ANKRD44: variants seen among roughly 807,000 people sequenced by gnomAD.
ANKRD44 encodes the protein ankyrin repeat domain 44.
Under a neutral mutation model 116.0 loss-of-function variants are expected in ANKRD44, and 35 were observed. That is an observed-to-expected ratio of 0.30 (90% CI 0.23 to 0.40). The LOEUF (loss-of-function observed/expected upper bound fraction) is 0.40. Among genes scored for constraint, ANKRD44 ranks in the 10% least tolerant of loss-of-function variants. The pLI, the probability that ANKRD44 is intolerant of heterozygous loss-of-function variation, is 1.00. For synonymous variants in ANKRD44, 435 were observed against 461.8 expected (o/e 0.94, Z 0.74); for missense variants, 1,014 against 1,242.6 (o/e 0.82, Z 2.77).
At chr2:197,009,495 G>T (rs1020214262) in intron 18 of ANKRD44, among the ~76,000 whole-genome samples, 5 of 151,976 alleles carry the variant, frequency 3.3e-5, no homozygotes, top group Admixed American at 3.3e-4. Flanking sequence ...TCTGCCTCCC[G>T]AGTAGCTGGG....
At chr2:197,273,827 G>A (rs2082968602) in intron 1 of ANKRD44, among the ~76,000 whole-genome samples, 2 of 151,594 alleles carry the variant, frequency 1.3e-5, no homozygotes, top group African/African-American at 4.9e-5. Flanking sequence ...CACAAAACAA[G>A]CAGCTCTCAG....
Position 197,263,250 on chromosome 2 carries a change from C to T in ANKRD44, c.27+47328G>A, listed in dbSNP as rs2082654417. ...GAGAACCTCAGCAGCTTGGTAGTCT[C>T]ACGTCCCCTTACCTCACTTGTCCCT... On this transcript the variant is annotated intron_variant, in intron 1 of 27. Coordinates refer to ENST00000282272, the MANE Select transcript of ANKRD44 (RefSeq NM_001195144.2). 7.3e-6 allele frequency: 4 copies of T among 548,964 alleles called. 1 individual carries two copies. The South Asian group carries it at 7.6e-5, about 10-fold the overall frequency. The allele number at this position is 548,964 out of a possible 1,614,324, so 34.0% of individuals were successfully genotyped here.
chr2:197,252,342 G>A (rs539025685), intron 1 of ANKRD44, among the ~76,000 whole-genome samples: 48 of 99,274 alleles, frequency 4.8e-4, no homozygotes, highest in Non-Finnish European at 1.6e-4. Flanking sequence ...GCCCCGCCCC[G>A]CCCCGCCAAA....
At chr2:197,207,922 T>G (rs2081243563) in intron 1 of ANKRD44, among the ~76,000 whole-genome samples, 1 of 152,220 alleles carries the variant, frequency 6.6e-6, no homozygotes, top group Non-Finnish European at 1.5e-5. Context: ...AGTAAAATTC[T>G]AAAGTCTTCC....
chr2:197,213,521 AC>A (rs112573951), intron 1 of ANKRD44, among the ~76,000 whole-genome samples: 4 of 152,346 alleles, frequency 2.6e-5, no homozygotes, highest in African/African-American at 4.8e-5. Context: ...GATATAAAAA[AC>A]ATCTCATTAG....
At chr2:197,156,324 C>T (rs1249734165) in intron 2 of ANKRD44, among the ~76,000 whole-genome samples, 5 of 150,466 alleles carry the variant, frequency 3.3e-5, no homozygotes, top group African/African-American at 9.9e-5. Context: ...CCATCCTGGG[C>T]GACAGAGCGA....
chr2:197,292,144 T>C (rs566032519), intron 1 of ANKRD44, among the ~76,000 whole-genome samples: 1 of 152,374 alleles, frequency 6.6e-6, no homozygotes, highest in South Asian at 2.1e-4. Context: ...TATGTGTGCA[T>C]GTGTCTTTAT....
chr2:197,038,454 A>G (rs1260222767), intron 16 of ANKRD44, among the ~76,000 whole-genome samples: 2 of 152,274 alleles, frequency 1.3e-5, no homozygotes, highest in African/African-American at 4.8e-5. Flanking sequence ...GTCTAGGGTT[A>G]GTATGACTTT....
intron 8 of ANKRD44, among the ~76,000 whole-genome samples, chr2:197,112,141 T>A (rs1380363353): frequency 6.6e-6 from 1 of 152,154 alleles, no homozygotes; most frequent in Non-Finnish European, 1.5e-5. Context: ...GTATCCCCAA[T>A]AGAGAGAATG....
At chr2:197,106,806 AT>A (rs551923767) in intron 9 of ANKRD44, among the ~76,000 whole-genome samples, 8,812 of 136,470 alleles carry the variant, frequency 0.065, 469 homozygotes, top group African/African-American at 0.14. Flanking sequence ...ATATATATAT[AT>A]TTTTTTTTTT....
At chr2:197,280,272 T>C (rs1178517269) in intron 1 of ANKRD44, among the ~76,000 whole-genome samples, 1 of 152,186 alleles carries the variant, frequency 6.6e-6, no homozygotes, top group Non-Finnish European at 1.5e-5. Flanking sequence ...AAAGGGGCTA[T>C]GGCTCCTCTC....
At chr2:197,014,332 T>C (rs2076349143) in intron 17 of ANKRD44, among the ~76,000 whole-genome samples, 1 of 152,232 alleles carries the variant, frequency 6.6e-6, no homozygotes. Flanking sequence ...TGAAATTGCA[T>C]AGGCTTTGCA....
intron 1 of ANKRD44, among the ~76,000 whole-genome samples, chr2:197,247,180 C>T (rs776546744): frequency 6.6e-6 from 1 of 152,186 alleles, no homozygotes; most frequent in African/African-American, 2.4e-5. Context: ...ATTGTTTCAG[C>T]TTCTGCTCAG....
intron 1 of ANKRD44, among the ~76,000 whole-genome samples, chr2:197,295,017 A>G (rs985411561): frequency 2.0e-5 from 3 of 152,228 alleles, no homozygotes; most frequent in African/African-American, 7.2e-5. Flanking sequence ...CCTTCTCTAC[A>G]GTGATTCCTA....
intron 1 of ANKRD44, among the ~76,000 whole-genome samples, chr2:197,248,576 G>GTATATATATATATATA (rs1318550760): frequency 7.2e-5 from 8 of 110,522 alleles, no homozygotes; most frequent in African/African-American, 2.4e-4. Context: ...GTGTGTGTGT[G>GTATATATATATATATA]TGTATATATA....
intron 16 of ANKRD44, chr2:197,029,140 C>A (rs1004239425): frequency 5.4e-6 from 1 of 183,988 alleles, no homozygotes; most frequent in Non-Finnish European, 1.1e-5. Flanking sequence ...TCCCCCCACC[C>A]CACAACAGGC....
intron 15 of ANKRD44, among the ~76,000 whole-genome samples, chr2:197,079,203 A>G (rs2077739708): frequency 6.6e-6 from 1 of 152,144 alleles, no homozygotes; most frequent in South Asian, 2.1e-4. Context: ...AGGGCAAGTA[A>G]CAGGGCAACC....
At chr2:197,198,170 A>C (rs2081003436) in intron 1 of ANKRD44, 1 of 152,328 alleles carries the variant, frequency 6.6e-6, no homozygotes, top group Admixed American at 6.5e-5. Context: ...GAACAGTTTC[A>C]TTTGGCTGGA....
chr2:197,250,072 T>C (rs572416444), intron 1 of ANKRD44, among the ~76,000 whole-genome samples: 1 of 152,206 alleles, frequency 6.6e-6, no homozygotes, highest in Non-Finnish European at 1.5e-5. Flanking sequence ...ATTTGATTTA[T>C]CTCTCTTAAC....
Sources: gnomAD v4.1 joint callset for allele counts (sites outside exome capture counted in the v4.1 genomes callset) on GRCh38, gnomAD v4.1.1 for gene constraint, MANE v1.5 for transcripts, NCBI Gene and HGNC (gene_info 2026-07-23, HGNC 2026-07-21) for gene names.